The following RTN4 variants were observed in gnomAD, a reference collection of about 807,000 sequenced individuals.
RTN4 encodes the protein reticulon 4, also known as reticulon-4.
In RTN4, 32 loss-of-function variants were observed where a neutral mutation model predicts 90.4. That is an observed-to-expected ratio of 0.35 (90% CI 0.27 to 0.48). The LOEUF is 0.48. RTN4 is among the 20% of genes least tolerant of loss of function. The probability of loss-of-function intolerance (pLI) is 0.99; values close to 1 mark genes in which losing one functional copy is unlikely to be tolerated. For synonymous variants in RTN4, 629 were observed against 552.5 expected (o/e 1.14, Z -1.94); for missense variants, 1,706 against 1,430.2 (o/e 1.19, Z -3.11).
the RTN4 span, among the ~76,000 whole-genome samples, chr2:55,124,920 A>G: frequency 1.3e-5 from 2 of 152,188 alleles, no homozygotes; most frequent in East Asian, 3.8e-4. Context: ...CATATCTATG[A>G]TCATCTGATC....
At chr2:55,118,789 G>A in the RTN4 span, among the ~76,000 whole-genome samples, 1 of 152,182 alleles carries the variant, frequency 6.6e-6, no homozygotes, top group Non-Finnish European at 1.5e-5. Flanking sequence ...ATGCAGATGA[G>A]GACGCAACCG....
At chr2:55,105,530 A>C (rs556066442) in intron 1 of RTN4, among the ~76,000 whole-genome samples, 2 of 152,060 alleles carry the variant, frequency 1.3e-5, no homozygotes, top group African/African-American at 4.8e-5. Context: ...ATGCTGGCTG[A>C]GATTGTTTTT....
intron 3 of RTN4, among the ~76,000 whole-genome samples, chr2:54,996,178 T>C (rs1344941982): frequency 6.6e-6 from 1 of 152,130 alleles, no homozygotes. Flanking sequence ...GAACTATACA[T>C]AACACACTGT....
chr2:55,021,395 C>CT (rs955979852), intron 3 of RTN4, among the ~76,000 whole-genome samples: 9 of 110,960 alleles, frequency 8.1e-5, no homozygotes, highest in African/African-American at 2.3e-4. Context: ...TTCCCTGCCC[C>CT]CCCCGCCAAA....
chr2:55,129,496 C>G, the RTN4 span, among the ~76,000 whole-genome samples: 1 of 152,098 alleles, frequency 6.6e-6, no homozygotes, highest in African/African-American at 2.4e-5. Context: ...AGGAGGATTG[C>G]CTGAGCCTAA....
rs779380691 is a variant in RTN4 at position 54,973,136 on chromosome 2, A to C, written c.*20T>G. 3 of 1,596,512 alleles carry C rather than the reference A, an allele frequency of 1.9e-6. No homozygotes were observed. The highest frequency in any genetic ancestry group is 2.2e-5 in the East Asian group (1 of 44,486). ...ATATCCCCTTTAAAGATGAACTCCT[A>C]CTAATTATTTTGGGCGTTTTCATTC... On this transcript the variant is annotated 3_prime_UTR_variant, in exon 9 of 9. Transcript: ENST00000337526.
chr2:54,987,828 A>T, intron 3 of RTN4, 130 bp from the exon 4 acceptor site: 1 of 709,034 alleles, frequency 1.4e-6, no homozygotes, highest in Non-Finnish European at 2.4e-6. Context: ...ACACTAAGTT[A>T]AAGAAACACT....
rs757849254 is a variant in RTN4, at chr2:55,046,138, C to A, written c.556+3607G>T. 1.1e-4 allele frequency among the ~76,000 whole-genome samples: 17 copies of A among 152,244 alleles called. No individual in the cohort carries two copies. In the East Asian group the frequency reaches 2.9e-3, roughly 26 times the overall value. On this transcript the variant is annotated intron_variant, in intron 1 of 8. Coordinates refer to ENST00000337526, the MANE Select transcript of RTN4 (RefSeq NM_020532.5). Reference sequence around the variant, plus strand: ...AGACAAGTGTCAGTGATCTAGAAACCCTCTCTTCCAGGCAGGCTAGTCTAT... The same window carrying A: ...AGACAAGTGTCAGTGATCTAGAAACACTCTCTTCCAGGCAGGCTAGTCTAT...
At chr2:55,130,698 TC>T in the RTN4 span, among the ~76,000 whole-genome samples, 9 of 152,084 alleles carry the variant, frequency 5.9e-5, no homozygotes, top group African/African-American at 2.2e-4. Flanking sequence ...TTGCAGTAAG[TC>T]AAGATCTCAC....
At position 55,025,857 on chromosome 2, in the gene RTN4, A is replaced by C; in HGVS notation, c.2242T>G (p.Phe748Val). The C allele has an allele frequency of 6.2e-7, 1 of 1,613,824 alleles. No homozygotes were observed. Among genetic ancestry groups the C allele is most frequent in the Non-Finnish European group, 8.5e-7 (1 of 1,179,842 alleles). ...SSPDSEPVDL[F>V]SDDSIPDVPQ... ...ACGTCAGGTATTGAATCATCACTAAATAAGTCAACTGGTTCAGAATCAGGT... is the reference window on the plus strand; with the variant it reads ...ACGTCAGGTATTGAATCATCACTAACTAAGTCAACTGGTTCAGAATCAGGT... Residue 748 changes from phenylalanine (F) to valine (V), a missense_variant, in exon 3 of 9, where the codon TTT becomes GTT. By Grantham distance (50) the Phe-to-Val change is conservative. Coordinates refer to ENST00000337526, the MANE Select transcript of RTN4 (RefSeq NM_020532.5).
At chr2:55,070,773 G>GTTT (rs1204809608) in intron 2 of RTN4, among the ~76,000 whole-genome samples, 1 of 89,294 alleles carries the variant, frequency 1.1e-5, no homozygotes, top group Non-Finnish European at 2.6e-5. Flanking sequence ...GTTGTTGTTT[G>GTTT]TTTTTTTGTT....
intron 5 of RTN4, among the ~76,000 whole-genome samples, chr2:54,981,823 G>GAATCACATA (rs1678155157): frequency 2.2e-5 from 1 of 46,414 alleles, no homozygotes. Context: ...GTACATAAGT[G>GAATCACATA]CTAGACTGTA....
chr2:55,132,229 G>A, the RTN4 span, among the ~76,000 whole-genome samples: 18 of 152,268 alleles, frequency 1.2e-4, no homozygotes, highest in Non-Finnish European at 2.1e-4. Context: ...TCGGCCAGGC[G>A]CAGTGGCTCA....
intron 1 of RTN4, among the ~76,000 whole-genome samples, chr2:55,112,157 G>A (rs540772693): frequency 6.6e-6 from 1 of 152,304 alleles, no homozygotes; most frequent in South Asian, 2.1e-4. Context: ...ACTATATGAG[G>A]CCTACCTTCC....
At chr2:55,006,392 C>T (rs72795435) in intron 3 of RTN4, among the ~76,000 whole-genome samples, 1,749 of 152,072 alleles carry the variant, frequency 0.012, 22 homozygotes, top group Non-Finnish European at 0.019. Context: ...TTGGCCTTCC[C>T]GAGTAAGGCA....
chr2:55,028,306 G>T, intron 1 of RTN4, 86 bp from the exon 2 acceptor site: 1 of 1,216,814 alleles, frequency 8.2e-7, no homozygotes, highest in South Asian at 1.4e-5. Flanking sequence ...CCAGGGTTCA[G>T]TTTGTAATAA....
At chr2:55,054,705 C>G (rs372006333), upstream of RTN4, among the ~76,000 whole-genome samples, 1 of 152,118 alleles carries the variant, frequency 6.6e-6, no homozygotes, top group South Asian at 2.1e-4. Context: ...AGCAGTCAAC[C>G]ACAGCTTTTT....
chr2:55,109,339 G>C (rs1419915387), intron 1 of RTN4, among the ~76,000 whole-genome samples: 1 of 152,084 alleles, frequency 6.6e-6, no homozygotes, highest in Non-Finnish European at 1.5e-5. Flanking sequence ...TGTCAATGCT[G>C]ATAATAAATT....
chr2:55,025,171 T>C lies in RTN4; in HGVS notation c.2928A>G (p.Glu976=). Residue 976 remains glutamate (E), a synonymous_variant, in exon 3 of 9, where the codon GAA becomes GAG. Coordinates refer to ENST00000337526, the MANE Select transcript of RTN4 (RefSeq NM_020532.5). ...TATCGGAAGGAAGTTTTTTCTCAGC[T>C]TCTTTCACAAGAACTTTGGGTTTAA... ...SIVKPKVLVK[E]AEKKLPSDTE... is the part of the protein sequence containing the mutation. 1 of 1,613,820 alleles carries C rather than the reference T, an allele frequency of 6.2e-7. No homozygotes were observed. Among genetic ancestry groups the C allele is most frequent in the Non-Finnish European group, 8.5e-7 (1 of 1,179,810 alleles).
Sources: allele counts gnomAD v4.1 joint callset (sites outside exome capture counted in the v4.1 genomes callset), GRCh38; gene constraint gnomAD v4.1.1; transcripts MANE v1.5; gene names NCBI Gene and HGNC (gene_info 2026-07-23, HGNC 2026-07-21).